Variants in SLC9C1 observed in about 807,000 individuals in gnomAD.
The protein encoded by SLC9C1 is solute carrier family 9 member C1.
A neutral mutation model predicts 140.9 loss-of-function variants in SLC9C1; 97 were observed. That is an observed-to-expected ratio of 0.69 (90% CI 0.58 to 0.82). The LOEUF (loss-of-function observed/expected upper bound fraction) is 0.82, where lower values mean the gene tolerates loss of function less well. SLC9C1 is among the 40% of genes least tolerant of loss of function. The pLI is 0.00. For missense variants in SLC9C1, 1,340 were observed against 1,389.3 expected, an observed-to-expected ratio of 0.96 and a Z score of 0.56; for synonymous variants, 440 against 442.6, an observed-to-expected ratio of 0.99 and a Z score of 0.07.
At chr3:112,289,661 G>A (rs958978817) in intron 1 of SLC9C1, among the ~76,000 whole-genome samples, 6 of 152,198 alleles carry the variant, frequency 3.9e-5, no homozygotes, top group Non-Finnish European at 8.8e-5. Flanking sequence ...CCAGCCTGGA[G>A]CAACATACTG....
At chr3:112,147,963 A>G (rs1237402124) in intron 28 of SLC9C1, among the ~76,000 whole-genome samples, 1 of 152,200 alleles carries the variant, frequency 6.6e-6, no homozygotes, top group Non-Finnish European at 1.5e-5. Flanking sequence ...GCTCATTTTT[A>G]AAATTCTTTT....
chr3:112,215,481 T>A (rs2078334531), intron 15 of SLC9C1, among the ~76,000 whole-genome samples: 1 of 152,084 alleles, frequency 6.6e-6, no homozygotes, highest in African/African-American at 2.4e-5. Context: ...GCCCAAAATC[T>A]CCTTAAGCTC....
At chr3:112,234,950 A>C (rs1028508143) in intron 12 of SLC9C1, among the ~76,000 whole-genome samples, 6 of 151,894 alleles carry the variant, frequency 4.0e-5, no homozygotes, top group Non-Finnish European at 7.4e-5. Flanking sequence ...TGTTTGACTT[A>C]GCAATGTGGG....
At chr3:112,148,652 G>A (rs2074872305) in intron 28 of SLC9C1, among the ~76,000 whole-genome samples, 1 of 152,170 alleles carries the variant, frequency 6.6e-6, no homozygotes, top group African/African-American at 2.4e-5. Flanking sequence ...TAGCCAATGT[G>A]TTTAGGTATA....
intron 10 of SLC9C1, among the ~76,000 whole-genome samples, chr3:112,246,091 A>G (rs1320285608): frequency 6.6e-6 from 1 of 152,170 alleles, no homozygotes; most frequent in Non-Finnish European, 1.5e-5. Context: ...TATTTCAAGC[A>G]ACCTTTTTGT....
At chr3:112,174,130 G>A (rs1316128274) in intron 23 of SLC9C1, among the ~76,000 whole-genome samples, 1 of 152,212 alleles carries the variant, frequency 6.6e-6, no homozygotes. Context: ...TTTTAATGGG[G>A]TTGTTTGTGT....
intron 28 of SLC9C1, among the ~76,000 whole-genome samples, chr3:112,150,044 C>G (rs145190211): frequency 6.6e-6 from 1 of 152,310 alleles, no homozygotes; most frequent in East Asian, 1.9e-4. Flanking sequence ...ACAGCTGTAG[C>G]AGTTTTCCTC....
chr3:112,272,245 G>C (rs1418874112), intron 6 of SLC9C1, among the ~76,000 whole-genome samples: 1 of 152,158 alleles, frequency 6.6e-6, no homozygotes, highest in Non-Finnish European at 1.5e-5. Flanking sequence ...TTTGAAAGTT[G>C]CTTTTTCCTT....
intron 20 of SLC9C1, chr3:112,186,128 A>G (rs887284970): frequency 6.8e-6 from 4 of 585,274 alleles, no homozygotes; most frequent in African/African-American, 3.8e-5. Context: ...TATTCTGGAT[A>G]TGAGTTCTTC....
intron 17 of SLC9C1, 148 bp downstream of exon 17, chr3:112,204,070 C>G: frequency 5.6e-6 from 5 of 890,412 alleles, no homozygotes; most frequent in Non-Finnish European, 7.3e-6. Flanking sequence ...TGTTATGAAA[C>G]TTAATTTGCC....
chr3:112,287,518 A>G (rs1171181275), intron 1 of SLC9C1, among the ~76,000 whole-genome samples: 3 of 152,186 alleles, frequency 2.0e-5, no homozygotes, highest in Non-Finnish European at 2.9e-5. Context: ...AAATTGTTAC[A>G]TGTTCTATTT....
In SLC9C1 at chr3:112,204,356, G is replaced by A. The variant is rs777628996; in HGVS notation, c.2034C>T (p.Phe678=). Residue 678 remains phenylalanine, a synonymous_variant, in exon 17 of 29, where the codon TTC becomes TTT. Coordinates refer to ENST00000305815, the MANE Select transcript of SLC9C1 (RefSeq NM_183061.3). The stretch of plus-strand genomic sequence containing the variant: ...TGCCAATTAATGTAATTGCTAACTC[G>A]AATATGTTCCAGGCATGTGAAAAAA... The part of the protein sequence containing the change: ...KDFFSHAWNI[F]ELAITLIGIL... 1.3e-6 allele frequency: 2 copies of A among 1,571,772 alleles called. No individual in the cohort carries two copies. Among genetic ancestry groups the A allele is most frequent in the South Asian group, 1.2e-5 (1 of 81,338 alleles).
At chr3:112,220,479 G>T (rs577038861) in intron 14 of SLC9C1, among the ~76,000 whole-genome samples, 3 of 152,184 alleles carry the variant, frequency 2.0e-5, no homozygotes, top group Admixed American at 1.3e-4. Flanking sequence ...AATTTAAGCA[G>T]GGAATTTTGG....
intron 23 of SLC9C1, among the ~76,000 whole-genome samples, chr3:112,177,501 C>T (rs1332892392): frequency 6.6e-6 from 1 of 150,774 alleles, no homozygotes; most frequent in Admixed American, 6.6e-5. Context: ...TCCACAACTT[C>T]TGATGTCTCA....
At chr3:112,218,749 C>A (rs566019169) in intron 14 of SLC9C1, among the ~76,000 whole-genome samples, 1 of 152,086 alleles carries the variant, frequency 6.6e-6, no homozygotes, top group African/African-American at 2.4e-5. Context: ...TGAGAGGGCT[C>A]CCTGGACTCA....
chr3:112,216,550 A>G (rs2078375825), intron 15 of SLC9C1, among the ~76,000 whole-genome samples: 1 of 151,438 alleles, frequency 6.6e-6, no homozygotes. Context: ...GGCAAATGAT[A>G]TGAACAGACA....
In SLC9C1 at chr3:112,286,733, A is replaced by C. The variant is rs1198549655; in HGVS notation, c.59T>G (p.Leu20Arg). The C allele has an allele frequency of 8.1e-6, 13 of 1,613,220 alleles. No individual in the cohort carries two copies. Among genetic ancestry groups the C allele is most frequent in the Non-Finnish European group, 8.5e-6 (10 of 1,179,622 alleles). The change falls in exon 2 of 29, where the codon CTA becomes CGA. Residue 20 changes from leucine to arginine, a missense_variant. Leu to Arg is a moderately radical substitution (Grantham distance 102, BLOSUM62 -2). Coordinates refer to ENST00000305815, the MANE Select transcript of SLC9C1 (RefSeq NM_183061.3). ...AATGGAGCTGATCAAAGACAATGTT[A>C]GAATGACTTCAGGGAGGTCCTCAGT... is the stretch of plus-strand genomic sequence containing the variant. ...FSTEDLPEVI[L>R]TLSLISSIGA...
At chr3:112,254,938 T>A (rs1262081265) in intron 10 of SLC9C1, among the ~76,000 whole-genome samples, 2 of 151,990 alleles carry the variant, frequency 1.3e-5, no homozygotes, top group Admixed American at 1.3e-4. Context: ...AACAATCCTA[T>A]TTGCAGACAA....
At chr3:112,227,631 G>A (rs568534871) in intron 13 of SLC9C1, among the ~76,000 whole-genome samples, 21 of 152,044 alleles carry the variant, frequency 1.4e-4, no homozygotes, top group African/African-American at 4.3e-4. Flanking sequence ...AAAATCATAC[G>A]GAATGAGGAC....
Sources: allele counts gnomAD v4.1 joint callset (sites outside exome capture counted in the v4.1 genomes callset), GRCh38; gene constraint gnomAD v4.1.1; transcripts MANE v1.5; gene names NCBI Gene and HGNC (gene_info 2026-07-23, HGNC 2026-07-21).